The following TNK2 variants were observed in gnomAD, a reference collection of about 807,000 sequenced individuals.
TNK2 encodes the protein tyrosine kinase non receptor 2, also known as activated CDC42 kinase 1.
Under a neutral mutation model 101.8 loss-of-function variants are expected in TNK2, and 83 were observed. The ratio of observed to expected loss-of-function variants is 0.82; its 90% CI spans 0.68 to 0.98. The LOEUF (loss-of-function observed/expected upper bound fraction) is 0.98, where lower values mean the gene tolerates loss of function less well. Ranked by LOEUF, TNK2 falls within the 50% of genes least tolerant of loss-of-function variation. The probability of loss-of-function intolerance (pLI) is 0.00; values close to 1 mark genes in which losing one functional copy is unlikely to be tolerated. For synonymous variants in TNK2, 804 were observed against 633.0 expected (o/e 1.27, Z -4.06); for missense variants, 1,665 against 1,483.2 (o/e 1.12, Z -2.01).
At position 195,891,972 on chromosome 3, in the gene TNK2, G is replaced by A. The variant is rs1442127586; in HGVS notation, c.-18-3366C>T. ...AGCAACAGCGCAGCTCTGCACAGGG[G>A]ATGCATGTGGGAGGACGGGAAGGAA... On this transcript the variant is annotated intron_variant, in intron 1 of 15. Coordinates refer to ENST00000672887, the MANE Select transcript of TNK2 (RefSeq NM_001382273.1). 9.0e-6 allele frequency: 9 copies of A among 999,214 alleles called. No homozygotes were observed. In the Admixed American group the frequency reaches 2.4e-4, roughly 27 times the overall value. 61.9% of individuals were successfully genotyped at this position (999,214 alleles called of 1,614,324 possible).
At position 195,867,283 on chromosome 3, in the gene TNK2, G is replaced by C. The variant is rs756704329; in HGVS notation, c.2938-19C>G. On this transcript the variant is annotated intron_variant, in intron 13 of 15. Coordinates refer to ENST00000672887, the MANE Select transcript of TNK2 (RefSeq NM_001382273.1). Reference sequence around the variant, plus strand: ...CCTGCAGCTGGGCACACCCACCCCTGTCAGCACCACTAGGGCCCACTGCTC... The same window carrying C: ...CCTGCAGCTGGGCACACCCACCCCTCTCAGCACCACTAGGGCCCACTGCTC... 1 of 1,555,194 alleles carries C rather than the reference G, an allele frequency of 6.4e-7. No homozygotes were observed. The highest frequency in any genetic ancestry group is 8.7e-7 in the Non-Finnish European group (1 of 1,144,570).
rs539359877 is a variant in TNK2 at position 195,864,121 on chromosome 3, G to A, written c.*60C>T. 4.3e-6 allele frequency: 7 copies of A among 1,612,014 alleles called. No individual in the cohort carries two copies. In the South Asian group the frequency reaches 6.6e-5, roughly 15 times the overall value. On this transcript the variant is annotated 3_prime_UTR_variant, in exon 16 of 16. Transcript: ENST00000672887. The stretch of plus-strand genomic sequence containing the variant: ...TGGATGGGGGCATCTCCCCACTCCT[G>A]GTGGACGGACAGGCTCAGGTGATTC...
chr3:195,865,306 C>T (rs111407333), intron 15 of TNK2, among the ~76,000 whole-genome samples: 1 of 142,268 alleles, frequency 7.0e-6, no homozygotes, highest in Admixed American at 7.0e-5. Flanking sequence ...AAGAACCACC[C>T]GAGACAGTGA....
intron 15 of TNK2, among the ~76,000 whole-genome samples, chr3:195,864,827 A>G (rs1389348244): frequency 5.7e-5 from 8 of 141,504 alleles, no homozygotes; most frequent in African/African-American, 1.1e-4. Flanking sequence ...CCTGCGTCCC[A>G]GGTGCAAATC....
chr3:195,864,270 A>T, intron 15 of TNK2, 83 bp from the exon 16 acceptor site: 1 of 1,524,882 alleles, frequency 6.6e-7, no homozygotes, highest in Non-Finnish European at 9.1e-7. Flanking sequence ...CACTGGTGCC[A>T]GGCAACACCA....
chr3:195,865,219 A>G (rs1207239746), intron 15 of TNK2, among the ~76,000 whole-genome samples: 1 of 99,524 alleles, frequency 1.0e-5, no homozygotes, highest in Non-Finnish European at 2.0e-5. Flanking sequence ...TGCGTCCCAG[A>G]TGCAAATCAG....
At position 195,867,985 on chromosome 3, in the gene TNK2, C is replaced by T. The variant is rs1011257578; in HGVS notation, c.2313G>A (p.Leu771=). 10 of 1,557,916 alleles carry T rather than the reference C, an allele frequency of 6.4e-6. No homozygotes were observed. In the East Asian group the frequency reaches 2.1e-4, roughly 32 times the overall value. ...PPRPTRPHVQ[L]SPAPPGEEET... is the part of the protein sequence containing the mutation. ...CCTCCTCGCCCGGGGGGGCTGGAGACAGCTGGACGTGTGGGCGCGTGGGCC... is the reference window on the plus strand; with the variant it reads ...CCTCCTCGCCCGGGGGGGCTGGAGATAGCTGGACGTGTGGGCGCGTGGGCC... Residue 771 remains leucine (L), a synonymous_variant, in exon 13 of 16, where the codon CTG becomes CTA. Coordinates refer to ENST00000672887, the MANE Select transcript of TNK2 (RefSeq NM_001382273.1).
chr3:195,885,641 A>T lies in TNK2; in HGVS notation c.235-608T>A. 8.0e-7 allele frequency: 1 copy of T among 1,257,490 alleles called. No individual in the cohort carries two copies. The highest frequency in any genetic ancestry group is 1.0e-6 in the Non-Finnish European group (1 of 959,922). 77.9% of individuals were successfully genotyped at this position (1,257,490 alleles called of 1,614,324 possible). Reference sequence around the variant, plus strand: ...CCTTGCTGGGAAGGGGCCTGGGAAGACAGCTGGGTCTCTGGAGGGGCGCCT... The same window carrying T: ...CCTTGCTGGGAAGGGGCCTGGGAAGTCAGCTGGGTCTCTGGAGGGGCGCCT... On this transcript the variant is annotated intron_variant, in intron 3 of 15. Transcript: ENST00000672887. This position sits in a 1 kb window ranked among gnomAD's most constrained non-coding sequence, Gnocchi z 4.7.
chr3:195,899,552 G>A (rs61248803), intron 1 of TNK2, among the ~76,000 whole-genome samples: 10,611 of 152,152 alleles, frequency 0.07, 993 homozygotes, highest in African/African-American at 0.22. Context: ...GGATGGTCTC[G>A]ATCTCCTGAC....
At chr3:195,870,306 C>G (rs1256585558) in intron 10 of TNK2, 101 bp from the exon 11 acceptor site, 2 of 1,552,158 alleles carry the variant, frequency 1.3e-6, no homozygotes, top group Middle Eastern at 1.7e-4. Context: ...CGGGTGTAGT[C>G]TTGGGTCTGA....
chr3:195,908,536 T>A lies in TNK2; in HGVS notation c.-70A>T, dbSNP rs2149905866. ...GACACAGCTTCAGCGACGCCCAGGC[T>A]GAGACGGCAGAAGAGGTTCCCGCCG... On this transcript the variant is annotated 5_prime_UTR_variant, in exon 1 of 16. Coordinates refer to ENST00000672887, the MANE Select transcript of TNK2 (RefSeq NM_001382273.1). The A allele has an allele frequency of 6.5e-6, 1 of 152,712 alleles. No individual in the cohort carries two copies. Among genetic ancestry groups the A allele is most frequent in the East Asian group, 1.9e-4 (1 of 5,170 alleles). The allele number at this position is 152,712 out of a possible 1,614,324, so 9.5% of individuals were successfully genotyped here. A position where few individuals can be genotyped will look rare whatever the true frequency, so the allele number is the denominator to read the frequency against.
At chr3:195,869,406 C>T in intron 12 of TNK2, 91 bp downstream of exon 12, 3 of 1,327,464 alleles carry the variant, frequency 2.3e-6, no homozygotes, top group Non-Finnish European at 3.2e-6. Context: ...TCCCCTCCGG[C>T]CCAGCCGCCC....
chr3:195,903,265 C>T (rs111476474), intron 1 of TNK2, among the ~76,000 whole-genome samples: 10,449 of 149,020 alleles, frequency 0.07, 972 homozygotes, highest in African/African-American at 0.22. Context: ...TGGTCTCAAT[C>T]TCCTGACCTC....
rs530767067 is a variant in TNK2, at chr3:195,892,472, C to T, written c.-18-3866G>A. 36 of 1,535,502 alleles carry T rather than the reference C, an allele frequency of 2.3e-5. No homozygotes were observed. In the East Asian group the frequency reaches 3.2e-4, roughly 14 times the overall value. Reference sequence around the variant, plus strand: ...GAAGGAGAGCTCCAGGCCAGGGAACCGACGTGCTGCCGGCATCTCCACGCA... The same window carrying T: ...GAAGGAGAGCTCCAGGCCAGGGAACTGACGTGCTGCCGGCATCTCCACGCA... On this transcript the variant is annotated intron_variant, in intron 1 of 15. Transcript: ENST00000672887.
intron 1 of TNK2, among the ~76,000 whole-genome samples, chr3:195,889,297 C>T (rs909948734): frequency 6.6e-6 from 1 of 152,178 alleles, no homozygotes; most frequent in Non-Finnish European, 1.5e-5. Context: ...AACTGTGGCC[C>T]AGTGTTGTCA....
intron 12 of TNK2, 118 bp from the exon 13 acceptor site, chr3:195,868,827 C>G (rs962720847): frequency 1.0e-4 from 129 of 1,259,798 alleles, no homozygotes; most frequent in African/African-American, 2.8e-4. Context: ...ACTCCCAACT[C>G]CCCCCGAGGT....
chr3:195,890,330 T>C (rs1436677312), intron 1 of TNK2, among the ~76,000 whole-genome samples: 2 of 152,212 alleles, frequency 1.3e-5, no homozygotes, highest in East Asian at 3.8e-4. Context: ...CTGCAATGCG[T>C]AGGACATTCT....
At position 195,878,587 on chromosome 3, in the gene TNK2, C is replaced by CAGGATCTGAAGGTG. The variant is rs1560505944; in HGVS notation, c.1015-9_1019dup (p.His341ThrfsTer74). On this transcript the variant is annotated frameshift_variant, in exon 8 of 16. Coordinates refer to ENST00000672887, the MANE Select transcript of TNK2 (RefSeq NM_001382273.1). LOFTEE classifies it high-confidence loss of function. This position sits in a 1 kb window ranked among gnomAD's most constrained non-coding sequence, Gnocchi z 4.7. ...GCTCCCCCTCCTTGTCGATCTTATG[C>CAGGATCTGAAGGTG]AGGATCTGAAGGTGAGGAGGTGCAG... 6.2e-7 allele frequency: 1 copy of CAGGATCTGAAGGTG among 1,612,824 alleles called. No homozygotes were observed. Among genetic ancestry groups the CAGGATCTGAAGGTG allele is most frequent in the Admixed American group, 1.7e-5 (1 of 60,026 alleles).
Position 195,868,441 on chromosome 3 carries a change from C to T in TNK2, c.1857G>A (p.Pro619=), listed in dbSNP as rs150996995. The change falls in exon 13 of 16, where the codon CCG becomes CCA. Residue 619 remains proline (P), a synonymous_variant. Coordinates refer to ENST00000672887, the MANE Select transcript of TNK2 (RefSeq NM_001382273.1). The part of the protein sequence containing the change: ...MDACSLLDET[P]PQSPTRALPR... ...GCAGTGCCCGCGTGGGGCTCTGAGG[C>T]GGGGTCTCGTCCAGCAGGGAGCAGG... 5,060 of 1,564,226 alleles carry T rather than the reference C, an allele frequency of 3.2e-3. 12 individuals are homozygous for T. The highest frequency in any genetic ancestry group is 3.8e-3 in the Non-Finnish European group (4,373 of 1,164,108).
Sources: gnomAD v4.1 joint callset for allele counts (sites outside exome capture counted in the v4.1 genomes callset) on GRCh38, gnomAD v4.1.1 for gene constraint, Gnocchi (gnomAD v3.1) non-coding constraint, MANE v1.5 for transcripts, NCBI Gene and HGNC (gene_info 2026-07-23, HGNC 2026-07-21) for gene names.